PPP3CC: variants seen among roughly 807,000 people sequenced by gnomAD.
The protein encoded by PPP3CC is protein phosphatase 3 catalytic subunit gamma, also known as serine/threonine-protein phosphatase 2B catalytic subunit gamma isoform.
A neutral mutation model predicts 60.3 loss-of-function variants in PPP3CC; 35 were observed. That is an observed-to-expected ratio of 0.58 (90% CI 0.44 to 0.77). The LOEUF (loss-of-function observed/expected upper bound fraction) is 0.77. Among genes scored for constraint, PPP3CC ranks in the 30% least tolerant of loss-of-function variants. PPP3CC has a pLI of 0.00. For synonymous variants in PPP3CC, 206 were observed against 224.3 expected, an observed-to-expected ratio of 0.92 and a Z score of 0.73; for missense variants, 570 against 628.9, an observed-to-expected ratio of 0.91 and a Z score of 1.00.
At chr8:22,456,983 TCCTCCCTCCCTC>T (rs1201074487) in intron 1 of PPP3CC, among the ~76,000 whole-genome samples, 24 of 101,396 alleles carry the variant, frequency 2.4e-4, no homozygotes, top group Non-Finnish European at 3.9e-4. Context: ...GTGATTTATT[TCCTCCCTCCCTC>T]CCTCCCTCCC....
chr8:22,477,322 C>T (rs540070164), intron 3 of PPP3CC, among the ~76,000 whole-genome samples: 2 of 152,032 alleles, frequency 1.3e-5, no homozygotes, highest in South Asian at 4.2e-4. Context: ...ACTAAAAATA[C>T]GAAAGTTTAC....
chr8:22,507,642 T>C (rs749925950), intron 4 of PPP3CC, among the ~76,000 whole-genome samples: 2 of 152,218 alleles, frequency 1.3e-5, no homozygotes, highest in Admixed American at 6.5e-5. Flanking sequence ...TTAAATACTT[T>C]CATCAGTTAA....
At chr8:22,467,151 T>C (rs1837545807) in intron 1 of PPP3CC, among the ~76,000 whole-genome samples, 2 of 152,182 alleles carry the variant, frequency 1.3e-5, no homozygotes, top group Admixed American at 6.5e-5. Context: ...TAAATGTTAA[T>C]AAATTATGAT....
intron 8 of PPP3CC, among the ~76,000 whole-genome samples, chr8:22,524,312 A>G (rs1267591081): frequency 6.6e-6 from 1 of 152,190 alleles, no homozygotes; most frequent in South Asian, 2.1e-4. Context: ...TATTTACTCT[A>G]TTTAAAAGTA....
At chr8:22,517,522 C>A (rs1839285245) in intron 6 of PPP3CC, among the ~76,000 whole-genome samples, 1 of 152,124 alleles carries the variant, frequency 6.6e-6, no homozygotes. Flanking sequence ...TGTTTGATTA[C>A]TGATTCCATC....
chr8:22,489,284 C>T (rs1223759931), intron 3 of PPP3CC, among the ~76,000 whole-genome samples: 2 of 151,944 alleles, frequency 1.3e-5, no homozygotes, highest in Admixed American at 1.3e-4. Flanking sequence ...TTGAATTGAT[C>T]GAGCTCCTCA....
At position 22,520,024 on chromosome 8, in the gene PPP3CC, C is replaced by T. The variant is rs567889988; in HGVS notation, c.771-2467C>T. Among the ~76,000 whole-genome samples the T allele has an allele frequency of 3.9e-5, 6 of 152,210 alleles. No individual in the cohort carries two copies. In the East Asian group the frequency reaches 1.2e-3, roughly 29 times the overall value. On this transcript the variant is annotated intron_variant, in intron 6 of 13. Transcript: ENST00000240139. The stretch of plus-strand genomic sequence containing the variant: ...AAGGCTGGTGTAGTCATGACAAACT[C>T]CAGTTTTTGTTTGTCTGGAAAAGTC...
At chr8:22,445,120 T>C (rs902408257) in intron 1 of PPP3CC, among the ~76,000 whole-genome samples, 1 of 152,214 alleles carries the variant, frequency 6.6e-6, no homozygotes, top group African/African-American at 2.4e-5. Flanking sequence ...TCAAATATAT[T>C]GTGTATTCAC....
At chr8:22,470,000 A>G (rs1837667714) in intron 1 of PPP3CC, among the ~76,000 whole-genome samples, 1 of 151,396 alleles carries the variant, frequency 6.6e-6, no homozygotes, top group Non-Finnish European at 1.5e-5. Context: ...TAAATGATCC[A>G]TGTATATATA....
chr8:22,532,558 T>G (rs1839745144), intron 11 of PPP3CC, among the ~76,000 whole-genome samples: 1 of 152,226 alleles, frequency 6.6e-6, no homozygotes, highest in African/African-American at 2.4e-5. Context: ...GTTCAAATTC[T>G]GGCTCTACCT....
Position 22,441,272 on chromosome 8 carries a change from G to A in PPP3CC, c.-138G>A. On this transcript the variant is annotated 5_prime_UTR_variant, in exon 1 of 14. Coordinates refer to ENST00000240139, the MANE Select transcript of PPP3CC (RefSeq NM_005605.5). ...GGTGGCCGCGCCCTTCTGGTGCTCGGACACCGCTGAGGAGCCGGGGCCGGG... is the reference window on the plus strand; with the variant it reads ...GGTGGCCGCGCCCTTCTGGTGCTCGAACACCGCTGAGGAGCCGGGGCCGGG... 1 of 784,938 alleles carries A rather than the reference G, an allele frequency of 1.3e-6. No individual in the cohort carries two copies. The highest frequency in any genetic ancestry group is 1.8e-6 in the Non-Finnish European group (1 of 540,840). 48.6% of individuals were successfully genotyped at this position (784,938 alleles called of 1,614,324 possible).
At chr8:22,451,256 C>T (rs1563672192) in intron 1 of PPP3CC, among the ~76,000 whole-genome samples, 1 of 152,136 alleles carries the variant, frequency 6.6e-6, no homozygotes, top group Non-Finnish European at 1.5e-5. Context: ...CTGCCCCAGC[C>T]TCCCGAGTAG....
chr8:22,464,630 C>G (rs1837464430), intron 1 of PPP3CC, among the ~76,000 whole-genome samples: 1 of 152,130 alleles, frequency 6.6e-6, no homozygotes, highest in South Asian at 2.1e-4. Flanking sequence ...AATCCACCCA[C>G]CTCAGCCTCC....
intron 12 of PPP3CC, 64 bp from the exon 13 acceptor site, chr8:22,539,405 T>A: frequency 6.3e-7 from 1 of 1,580,942 alleles, no homozygotes; most frequent in Non-Finnish European, 8.7e-7. Context: ...CCATCAGTGC[T>A]GTTGGTTTAC....
Position 22,513,272 on chromosome 8 carries a change from TGGC to T in PPP3CC, c.631-20_631-18del. ...TTTTGCTCTCCTGATTTTTTTCTTTTGGCTTTTGTGTGTCTTCTAGTTAGACAG... is the reference window on the plus strand; with the variant it reads ...TTTTGCTCTCCTGATTTTTTTCTTTTTTTTGTGTGTCTTCTAGTTAGACAG... On this transcript the variant is annotated intron_variant, in intron 5 of 13. Coordinates refer to ENST00000240139, the MANE Select transcript of PPP3CC (RefSeq NM_005605.5). 6.3e-7 allele frequency: 1 copy of T among 1,599,780 alleles called. No homozygotes were observed. The highest frequency in any genetic ancestry group is 1.1e-5 in the South Asian group (1 of 88,358).
rs1438162902 is a variant in PPP3CC at position 22,532,247 on chromosome 8, G to C, written c.1164G>C (p.Glu388Asp). ...EAEGSTTVRK[E>D]IIRNKIRAIG... ...AAGGAAGCACTACAGTTCGTAAGGA[G>C]ATCATCAGGAATAAGATCAGAGCCA... is the stretch of plus-strand genomic sequence containing the variant. The change falls in exon 11 of 14, where the codon GAG (glutamate) becomes GAC (aspartate). Residue 388 changes from glutamate (E) to aspartate (D), a missense_variant. Transcript: ENST00000240139. The C allele has an allele frequency of 1.2e-6, 2 of 1,612,788 alleles. No individual in the cohort carries two copies. Among genetic ancestry groups the C allele is most frequent in the Admixed American group, 3.3e-5 (2 of 60,020 alleles).
At chr8:22,529,631 G>A (rs536278473) in intron 10 of PPP3CC, among the ~76,000 whole-genome samples, 8 of 151,948 alleles carry the variant, frequency 5.3e-5, no homozygotes, top group South Asian at 2.1e-4. Flanking sequence ...TTATAGGCGC[G>A]TGCCACCATG....
Position 22,538,552 on chromosome 8 carries a change from A to G in PPP3CC, c.1322-917A>G, listed in dbSNP as rs185733583. Among the ~76,000 whole-genome samples the G allele has an allele frequency of 1.1e-4, 16 of 152,330 alleles. No individual in the cohort carries two copies. The East Asian group carries it at 1.7e-3, about 16-fold the overall frequency. ...GAATAGCAGCAAACTGTTACTGCTCATTATTCTTCACTGCCTTCTTTTGGC... is the reference window on the plus strand; with the variant it reads ...GAATAGCAGCAAACTGTTACTGCTCGTTATTCTTCACTGCCTTCTTTTGGC... On this transcript the variant is annotated intron_variant, in intron 12 of 13. Transcript: ENST00000240139.
intron 4 of PPP3CC, 82 bp from the exon 5 acceptor site, chr8:22,511,004 C>A: frequency 1.5e-5 from 15 of 988,794 alleles, no homozygotes; most frequent in Admixed American, 4.3e-5. Flanking sequence ...TCTAAAGTAG[C>A]TTCATATTCT....
Sources: allele counts gnomAD v4.1 joint callset (sites outside exome capture counted in the v4.1 genomes callset), GRCh38; gene constraint gnomAD v4.1.1; transcripts MANE v1.5; gene names NCBI Gene and HGNC (gene_info 2026-07-23, HGNC 2026-07-21).